ALG3: variants seen among roughly 807,000 people sequenced by gnomAD.
ALG3 encodes the protein dol-P-Man:Man(5)GlcNAc(2)-PP-Dol alpha-1,3-mannosyltransferase.
Under a neutral mutation model 50.5 loss-of-function variants are expected in ALG3, and 39 were observed. The ratio of observed to expected loss-of-function variants is 0.77; its 90% CI spans 0.60 to 1.01. The LOEUF is 1.01. Ranked by LOEUF, ALG3 falls within the 50% of genes least tolerant of loss-of-function variation. The pLI is 0.00. For synonymous variants in ALG3, 252 were observed against 237.2 expected, an observed-to-expected ratio of 1.06 and a Z score of -0.58; for missense variants, 520 against 554.8, an observed-to-expected ratio of 0.94 and a Z score of 0.63.
chr3:184,244,805 C>A, intron 4 of ALG3, 84 bp from the exon 5 acceptor site: 1 of 1,515,022 alleles, frequency 6.6e-7, no homozygotes, highest in Non-Finnish European at 8.9e-7. Flanking sequence ...CCCACCATCA[C>A]CACAGCAACC....
At chr3:184,249,167 C>T, upstream of ALG3, 3 of 1,574,204 alleles carry the variant, frequency 1.9e-6, no homozygotes, top group Non-Finnish European at 2.6e-6. Flanking sequence ...TATACCCAGC[C>T]CTGGGTACAC....
At chr3:184,245,636 T>C (rs1267229778) in intron 2 of ALG3, 21 bp from the exon 3 acceptor site, 8 of 1,611,774 alleles carry the variant, frequency 5.0e-6, no homozygotes, top group Admixed American at 1.7e-5. Flanking sequence ...AGAGAAAATG[T>C]GAGCCTGGGT....
At chr3:184,244,819 C>G in intron 4 of ALG3, 98 bp from the exon 5 acceptor site, 6 of 1,480,192 alleles carry the variant, frequency 4.1e-6, no homozygotes, top group Middle Eastern at 2.3e-4. Flanking sequence ...AGCAACCTCC[C>G]CCCCGCCGCC....
Position 184,248,879 on chromosome 3 carries a change from C to T in ALG3, c.62G>A (p.Cys21Tyr), listed in dbSNP as rs574586606. The T allele has an allele frequency of 6.2e-7, 1 of 1,606,074 alleles. No individual in the cohort carries two copies. The highest frequency in any genetic ancestry group is 8.5e-7 in the Non-Finnish European group (1 of 1,176,690). ...SGSAAQAEGL[C>Y]KQWLQRAWQE... ...CCAGGCGCGCTGCAGCCATTGCTTG[C>T]AGAGTCCCTCTGCCTGGGCCGCGGA... The change falls in exon 1 of 9, where the codon TGC becomes TAC. Residue 21 changes from cysteine (C) to tyrosine (Y), a missense_variant. Coordinates refer to ENST00000397676, the MANE Select transcript of ALG3 (RefSeq NM_005787.6).
intron 5 of ALG3, chr3:184,244,367 G>A (rs915017921): frequency 1.4e-5 from 8 of 566,220 alleles, no homozygotes; most frequent in Non-Finnish European, 2.1e-5. Context: ...AACCCAGCAA[G>A]AGCCCATCTC....
intron 7 of ALG3, chr3:184,243,310 G>A: frequency 1.7e-6 from 1 of 582,424 alleles, no homozygotes. Flanking sequence ...TTCAATATTA[G>A]AACATATGTA....
Position 184,242,537 on chromosome 3 carries a change from G to A in ALG3, c.1294C>T (p.Gln432Ter). 1 of 1,612,846 alleles carries A rather than the reference G, an allele frequency of 6.2e-7. No homozygotes were observed. The highest frequency in any genetic ancestry group is 1.3e-5 in the African/African-American group (1 of 75,018). Residue 432 changes from glutamine to a stop codon, truncating the protein, a stop_gained, in exon 9 of 9, where the codon CAA becomes TAA. Coordinates refer to ENST00000397676, the MANE Select transcript of ALG3 (RefSeq NM_005787.6). LOFTEE classifies it high-confidence loss of function. ...CTTCAGTGGGCTTTCTTGCTGTGTT[G>A]GGTGCTCTTGGGGAAAGGCTGCGGG... ...LGPQPFPKST[Q>*]HSKKAH
At chr3:184,248,722 C>G in intron 1 of ALG3, 23 bp downstream of exon 1, 1 of 1,081,754 alleles carries the variant, frequency 9.2e-7, no homozygotes, top group Non-Finnish European at 1.3e-6. Context: ...TCCCTCCCCT[C>G]CCCTCCCCCT....
rs187573658 is a variant in ALG3 at position 184,247,155 on chromosome 3, C to T, written c.197-1343G>A. On this transcript the variant is annotated intron_variant, in intron 1 of 8. Transcript: ENST00000397676. ...CTGACCTCAGGTGATCTGCCCGCCTCGGGCTCCCAAAGTGCTAGAATTACA... is the reference window on the plus strand; with the variant it reads ...CTGACCTCAGGTGATCTGCCCGCCTTGGGCTCCCAAAGTGCTAGAATTACA... Among the ~76,000 whole-genome samples, 1,074 of 152,006 alleles carry T rather than the reference C, an allele frequency of 7.1e-3. 8 individuals are homozygous for T. Among genetic ancestry groups the T allele is most frequent in the Non-Finnish European group, 0.012 (793 of 67,954 alleles).
intron 4 of ALG3, 29 bp downstream of exon 4, chr3:184,245,169 G>C: frequency 6.2e-7 from 1 of 1,613,316 alleles, no homozygotes; most frequent in Non-Finnish European, 8.5e-7. Context: ...CAGAAAACGA[G>C]AGGGGACCAG....
In ALG3 at chr3:184,242,692, A is replaced by C. The variant is rs776188136; in HGVS notation, c.1155-16T>G. The C allele has an allele frequency of 4.2e-5, 65 of 1,561,632 alleles. No individual in the cohort carries two copies. Among genetic ancestry groups the C allele is most frequent in the Non-Finnish European group, 4.9e-5 (56 of 1,151,204 alleles). On this transcript the variant is annotated splice_polypyrimidine_tract_variant and intron_variant, in intron 8 of 8. Coordinates refer to ENST00000397676, the MANE Select transcript of ALG3 (RefSeq NM_005787.6). ...CACCAACAACCTGGAGATGAGAAAC[A>C]GGTTCCACGTTTCATCCAGTTGCAA... is the stretch of plus-strand genomic sequence containing the variant.
intron 1 of ALG3, among the ~76,000 whole-genome samples, chr3:184,246,027 A>C (rs1485295705): frequency 1.3e-5 from 2 of 151,992 alleles, no homozygotes; most frequent in African/African-American, 4.8e-5. Context: ...TTCCCATTCC[A>C]ATCTACTCCT....
At chr3:184,245,880 C>T in intron 1 of ALG3, 68 bp from the exon 2 acceptor site, 1 of 1,245,642 alleles carries the variant, frequency 8.0e-7, no homozygotes, top group Admixed American at 1.9e-5. Context: ...CCCCATGCCT[C>T]CAGACCATCA....
rs1272148792 is a variant in ALG3, at chr3:184,245,526, G to A, written c.386C>T (p.Ala129Val). 3 of 1,613,896 alleles carry A rather than the reference G, an allele frequency of 1.9e-6. No individual in the cohort carries two copies. In the Admixed American group the frequency reaches 5.0e-5, roughly 27 times the overall value. The change falls in exon 3 of 9, where the codon GCT becomes GTT. Residue 129 changes from alanine to valine, a missense_variant. This residue lies in a region of ALG3 where 290 missense variants were observed against 265.9 expected (regional missense o/e 1.09). Transcript: ENST00000397676. Reference protein sequence around the residue: ...TDIRMAQNIFAVLYLATLLLV... With the variant: ...TDIRMAQNIFVVLYLATLLLV... ...CAGCAAGGTAGCCAGGTAGAGCACA[G>A]CAAAGATGTTCTGGGCCATGCGGAT...
In ALG3 at chr3:184,243,132, G is replaced by A. The variant is rs147245326; in HGVS notation, c.1010-175C>T. 795 of 866,584 alleles carry A rather than the reference G, an allele frequency of 9.2e-4. 8 individuals are homozygous for A. The African/African-American group carries it at 0.012, about 13-fold the overall frequency. The allele number at this position is 866,584 out of a possible 1,614,324, so 53.7% of individuals were successfully genotyped here. ...GCTCCTCAACCAAATATGGAATATG[G>A]AGAGAGTAATACCTAGGGCCATAAG... On this transcript the variant is annotated intron_variant, in intron 7 of 8. Coordinates refer to ENST00000397676, the MANE Select transcript of ALG3 (RefSeq NM_005787.6).
upstream of ALG3, chr3:184,249,125 T>C (rs1412085236): frequency 4.1e-6 from 6 of 1,469,446 alleles, no homozygotes; most frequent in East Asian, 2.4e-5. Flanking sequence ...CCACGCTCCA[T>C]AGGAGCAGGG....
At chr3:184,244,454 C>A (rs1245191399) in intron 5 of ALG3, 147 bp downstream of exon 5, 4 of 997,852 alleles carry the variant, frequency 4.0e-6, no homozygotes, top group African/African-American at 1.6e-5. Context: ...GCTATGGAAA[C>A]TACAGCCTAG....
intron 1 of ALG3, among the ~76,000 whole-genome samples, chr3:184,247,427 A>G (rs1336562995): frequency 6.6e-6 from 1 of 151,726 alleles, no homozygotes; most frequent in Non-Finnish European, 1.5e-5. Flanking sequence ...CCTCCCGAGT[A>G]GCTGGGATTA....
Position 184,245,830 on chromosome 3 carries a change from G to C in ALG3, c.197-18C>G. ...CTCTGTGTCTGGAAGAAGACAAGAT[G>C]ATCTGGTTACTTCTGAGTCTAGAAC... is the stretch of plus-strand genomic sequence containing the variant. On this transcript the variant is annotated intron_variant, in intron 1 of 8. Transcript: ENST00000397676. 1 of 1,597,400 alleles carries C rather than the reference G, an allele frequency of 6.3e-7. No homozygotes were observed. The highest frequency in any genetic ancestry group is 8.6e-7 in the Non-Finnish European group (1 of 1,166,544).
Sources: gnomAD v4.1 joint callset for allele counts (sites outside exome capture counted in the v4.1 genomes callset) on GRCh38, gnomAD v4.1.1 for gene constraint, gnomAD v4.1.1 regional missense constraint, MANE v1.5 for transcripts, NCBI Gene and HGNC (gene_info 2026-07-23, HGNC 2026-07-21) for gene names.